The following SLC25A44 variants were observed in gnomAD, a reference collection of about 807,000 sequenced individuals.
SLC25A44 encodes solute carrier family 25, member 44.
SLC25A44 carries 17 observed loss-of-function variants against 29.9 expected under a neutral mutation model. The observed-to-expected ratio is 0.57, with a 90% CI of 0.39 to 0.85. SLC25A44 has a LOEUF of 0.85. SLC25A44 is among the 40% of genes least tolerant of loss of function. SLC25A44 has a pLI of 0.00. For missense variants in SLC25A44, 302 were observed against 398.4 expected, an observed-to-expected ratio of 0.76 and a Z score of 2.06; for synonymous variants, 140 against 151.8, an observed-to-expected ratio of 0.92 and a Z score of 0.57.
chr1:156,204,151 G>A (rs1017427778), intron 2 of SLC25A44, among the ~76,000 whole-genome samples: 1 of 151,278 alleles, frequency 6.6e-6, no homozygotes, highest in Non-Finnish European at 1.5e-5. Context: ...GGGATTACAG[G>A]CATGAGCCAC....
intron 3 of SLC25A44, 61 bp downstream of exon 3, chr1:156,208,074 A>G: frequency 1.3e-6 from 2 of 1,508,058 alleles, no homozygotes; most frequent in Non-Finnish European, 1.8e-6. Flanking sequence ...ATGACCTTCA[A>G]GCCCTCCAGT....
chr1:156,203,722 G>A (rs1490094050), intron 2 of SLC25A44, among the ~76,000 whole-genome samples: 1 of 8,444 alleles, frequency 1.2e-4, no homozygotes, highest in African/African-American at 6.8e-4. Context: ...TTTTTTTTTT[G>A]AGACAGAGTC....
intron 2 of SLC25A44, among the ~76,000 whole-genome samples, chr1:156,207,337 C>G (rs1349165077): frequency 2.0e-5 from 3 of 152,082 alleles, no homozygotes; most frequent in Admixed American, 2.0e-4. Flanking sequence ...GCCACCATGC[C>G]CAGCTAATTT....
At chr1:156,195,783 A>T (rs1656176674) in intron 1 of SLC25A44, among the ~76,000 whole-genome samples, 1 of 152,188 alleles carries the variant, frequency 6.6e-6, no homozygotes, top group African/African-American at 2.4e-5. Context: ...CTTGCCTTCT[A>T]GGTGACACTA....
At chr1:156,195,359 T>A (rs1023255750) in intron 1 of SLC25A44, among the ~76,000 whole-genome samples, 3 of 152,082 alleles carry the variant, frequency 2.0e-5, no homozygotes, top group African/African-American at 7.2e-5. Flanking sequence ...CGCCTCGGCC[T>A]CCCAAAGTGT....
chr1:156,210,607 C>T lies in SLC25A44; in HGVS notation c.*176C>T, dbSNP rs1332378697. The T allele has an allele frequency of 2.4e-5, 10 of 420,346 alleles. No homozygotes were observed. Among genetic ancestry groups the T allele is most frequent in the South Asian group, 6.8e-5 (1 of 14,748 alleles). 26.0% of individuals were successfully genotyped at this position (420,346 alleles called of 1,614,324 possible). On this transcript the variant is annotated 3_prime_UTR_variant, in exon 4 of 4. Coordinates refer to ENST00000359511, the MANE Select transcript of SLC25A44 (RefSeq NM_014655.4). ...AACTGCTCTTGCTGAAGAGGCTCCA[C>T]GCCTGGATCCCTTGCCCCCACTATT...
At chr1:156,199,682 T>C in intron 1 of SLC25A44, 153 bp from the exon 2 acceptor site, 1 of 630,236 alleles carries the variant, frequency 1.6e-6, no homozygotes. Flanking sequence ...CAAGTGGGGA[T>C]TGACAGAGCC....
chr1:156,204,284 G>A (rs1656793751), intron 2 of SLC25A44, among the ~76,000 whole-genome samples: 1 of 151,750 alleles, frequency 6.6e-6, no homozygotes, highest in Non-Finnish European at 1.5e-5. Flanking sequence ...TGGGATTACA[G>A]GCATGAGCCA....
intron 3 of SLC25A44, 70 bp downstream of exon 3, chr1:156,208,083 G>C: frequency 7.1e-7 from 1 of 1,409,150 alleles, no homozygotes; most frequent in Non-Finnish European, 1.0e-6. Context: ...AAGCCCTCCA[G>C]TGTTGCCCTG....
At chr1:156,205,233 G>A (rs1656858415) in intron 2 of SLC25A44, among the ~76,000 whole-genome samples, 1 of 152,066 alleles carries the variant, frequency 6.6e-6, no homozygotes, top group Admixed American at 6.6e-5. Flanking sequence ...AGTAGAGACG[G>A]GGTTTTTCCA....
chr1:156,194,729 T>A (rs968954342), intron 1 of SLC25A44, among the ~76,000 whole-genome samples: 1 of 152,176 alleles, frequency 6.6e-6, no homozygotes, highest in Admixed American at 6.5e-5. Context: ...CACGTTCATG[T>A]GGTAGATAGC....
chr1:156,202,043 C>T (rs935298839), intron 2 of SLC25A44, among the ~76,000 whole-genome samples: 2 of 152,234 alleles, frequency 1.3e-5, no homozygotes, highest in South Asian at 2.1e-4. Flanking sequence ...CAAGCTGGCT[C>T]TCTTTTCTGA....
rs1657292565 is a variant in SLC25A44, at chr1:156,211,135, T to C, written c.*704T>C. ...CTGTGAACCAGGCTATTAGTCCTGCTAAAGCGCCAATCCTGCTGTCAGAGC... is the reference window on the plus strand; with the variant it reads ...CTGTGAACCAGGCTATTAGTCCTGCCAAAGCGCCAATCCTGCTGTCAGAGC... On this transcript the variant is annotated 3_prime_UTR_variant, in exon 4 of 4. Coordinates refer to ENST00000359511, the MANE Select transcript of SLC25A44 (RefSeq NM_014655.4). 6.6e-6 allele frequency: 1 copy of C among 152,022 alleles called. No individual in the cohort carries two copies. The highest frequency in any genetic ancestry group is 2.1e-4 in the South Asian group (1 of 4,776). The allele number at this position is 152,022 out of a possible 1,614,324, so 9.4% of individuals were successfully genotyped here.
Position 156,211,086 on chromosome 1 carries a change from GT to G in SLC25A44, c.*656del, listed in dbSNP as rs1657284252. The stretch of plus-strand genomic sequence containing the variant: ...TGTGTGTGTGTGTGTGTGTGTGTGT[GT>G]GTGTGTGTGTGTGTTTTAACATCTG... On this transcript the variant is annotated 3_prime_UTR_variant, in exon 4 of 4. Transcript: ENST00000359511. The G allele has an allele frequency of 6.6e-6, 1 of 152,050 alleles. No individual in the cohort carries two copies. The highest frequency in any genetic ancestry group is 1.4e-5 in the Non-Finnish European group (1 of 69,284). 9.4% of individuals were successfully genotyped at this position (152,050 alleles called of 1,614,324 possible). A position where few individuals can be genotyped will look rare whatever the true frequency, so the allele number is the denominator to read the frequency against.
chr1:156,208,733 T>C (rs1657111959), intron 3 of SLC25A44, among the ~76,000 whole-genome samples: 1 of 152,220 alleles, frequency 6.6e-6, no homozygotes, highest in Non-Finnish European at 1.5e-5. Context: ...GTTTTTCCAG[T>C]AGGCCATAAG....
chr1:156,195,430 G>GAGGCTCAA, intron 1 of SLC25A44, among the ~76,000 whole-genome samples: 1 of 152,114 alleles, frequency 6.6e-6, no homozygotes, highest in Non-Finnish European at 1.5e-5. Flanking sequence ...TCGCTCCTGG[G>GAGGCTCAA]AGGCTCAAAG....
chr1:156,200,137 C>G lies in SLC25A44; in HGVS notation c.290C>G (p.Thr97Ser). 1.2e-6 allele frequency: 2 copies of G among 1,614,160 alleles called. No individual in the cohort carries two copies. Among genetic ancestry groups the G allele is most frequent in the South Asian group, 2.2e-5 (2 of 91,084 alleles). Residue 97 changes from threonine to serine, a missense_variant, in exon 2 of 4, where the codon ACC becomes AGC. Thr to Ser is a moderately conservative substitution (Grantham distance 58). Transcript: ENST00000359511. The part of the protein sequence containing the change: ...GQCYVTTYEL[T>S]RKFVADYSQS... ...TGTTATGTCACCACTTATGAGCTCA[C>G]CCGGAAGTTTGTAGCTGACTACAGC...
intron 2 of SLC25A44, among the ~76,000 whole-genome samples, chr1:156,202,841 A>T (rs1656673551): frequency 6.6e-6 from 1 of 152,152 alleles, no homozygotes; most frequent in Admixed American, 6.6e-5. Flanking sequence ...TCATAATTCC[A>T]ACCTCACAAT....
chr1:156,211,056 T>TTGTTTGTG lies in SLC25A44; in HGVS notation c.*628_*629insTTGTGTGT, dbSNP rs1553277449. The TTGTTTGTG allele has an allele frequency of 9.4e-5, 13 of 138,864 alleles. No homozygotes were observed. Among genetic ancestry groups the TTGTTTGTG allele is most frequent in the Non-Finnish European group, 1.7e-4 (11 of 64,456 alleles). The allele number at this position is 138,864 out of a possible 1,614,324, so 8.6% of individuals were successfully genotyped here. ...TGGGAGAAATGTTGATACTTTTGTTTTGTGTGTGTGTGTGTGTGTGTGTGT... is the reference window on the plus strand; with the variant it reads ...TGGGAGAAATGTTGATACTTTTGTTTTGTTTGTGTGTGTGTGTGTGTGTGTGTGTGTGT... On this transcript the variant is annotated 3_prime_UTR_variant, in exon 4 of 4. Coordinates refer to ENST00000359511, the MANE Select transcript of SLC25A44 (RefSeq NM_014655.4).
Sources: allele counts gnomAD v4.1 joint callset (sites outside exome capture counted in the v4.1 genomes callset), GRCh38; gene constraint gnomAD v4.1.1; transcripts MANE v1.5; gene names NCBI Gene and HGNC (gene_info 2026-07-23, HGNC 2026-07-21).